CNOT10: variants seen among roughly 807,000 people sequenced by gnomAD.
CNOT10 encodes the protein CCR4-NOT transcription complex subunit 10, also known as CCR4-NOT transcription complex, subunit 10.
Under a neutral mutation model 94.6 loss-of-function variants are expected in CNOT10, and 30 were observed. That is an observed-to-expected ratio of 0.32 (90% confidence interval 0.24 to 0.43). CNOT10 has a LOEUF of 0.43. CNOT10 is among the 20% of genes least tolerant of loss of function. The pLI, the probability that CNOT10 is intolerant of heterozygous loss-of-function variation, is 1.00. For synonymous variants in CNOT10, 289 were observed against 301.6 expected (o/e 0.96, Z 0.43); for missense variants, 759 against 877.2 (o/e 0.87, Z 1.70).
At chr3:32,708,252 A>G (rs774594419) in intron 3 of CNOT10, among the ~76,000 whole-genome samples, 2 of 152,146 alleles carry the variant, frequency 1.3e-5, no homozygotes, top group African/African-American at 2.4e-5. Flanking sequence ...AAATCAAACT[A>G]TGAATACTAC....
chr3:32,734,814 C>T lies in CNOT10; in HGVS notation c.1352C>T (p.Ser451Leu), dbSNP rs778993380. The change falls in exon 12 of 19, where the codon TCG (serine) becomes TTG (leucine). Residue 451 changes from serine to leucine, a missense_variant. By Grantham distance (145) the Ser-to-Leu change is moderately radical. Transcript: ENST00000328834. ...GTTCTTTTAAGTGATGGGCAGTCTT[C>T]GGCCATTCCTGTAGCCAGTATGGAG... is the stretch of plus-strand genomic sequence containing the variant. ...QNTVYNDGQS[S>L]AIPVASMEFA... 1.2e-6 allele frequency: 2 copies of T among 1,608,422 alleles called. No individual in the cohort carries two copies. The highest frequency in any genetic ancestry group is 1.7e-5 in the Admixed American group (1 of 59,392).
At chr3:32,746,376 A>G (rs1699700361) in intron 13 of CNOT10, among the ~76,000 whole-genome samples, 1 of 152,216 alleles carries the variant, frequency 6.6e-6, no homozygotes, top group South Asian at 2.1e-4. Flanking sequence ...ATAATGAAAT[A>G]GTTATACAAC....
chr3:32,754,564 C>T (rs1311725705), intron 13 of CNOT10, among the ~76,000 whole-genome samples: 2 of 119,972 alleles, frequency 1.7e-5, no homozygotes, highest in Admixed American at 9.0e-5. Context: ...CTGTTTTCCA[C>T]GCTGGAGTGC....
In CNOT10 at chr3:32,763,130, T is replaced by C. The variant is rs374867413; in HGVS notation, c.1840+267T>C. Among the ~76,000 whole-genome samples, 18 of 152,278 alleles carry C rather than the reference T, an allele frequency of 1.2e-4. No homozygotes were observed. In the East Asian group the frequency reaches 2.7e-3, roughly 23 times the overall value. Reference sequence around the variant, plus strand: ...TTCTGATACTATTTATTTGTTTTCCTTTGGAGTGATTCTAAAATCCATAGG... The same window carrying C: ...TTCTGATACTATTTATTTGTTTTCCCTTGGAGTGATTCTAAAATCCATAGG... On this transcript the variant is annotated intron_variant, in intron 15 of 18. Coordinates refer to ENST00000328834, the MANE Select transcript of CNOT10 (RefSeq NM_015442.3).
intron 7 of CNOT10, among the ~76,000 whole-genome samples, chr3:32,718,583 CAA>C (rs368048572): frequency 1.1e-4 from 8 of 74,046 alleles, no homozygotes; most frequent in African/African-American, 2.8e-4. Flanking sequence ...GACTCATTCT[CAA>C]AAAAAAAAAA....
chr3:32,773,569 G>A lies in CNOT10; in HGVS notation c.2193G>A (p.Gln731=). The part of the protein sequence containing the change: ...KPVFQPVHPI[Q]PIQMPAFTTV... ...TGTTTCAGCCTGTCCACCCGATCCA[G>A]CCCATCCAAATGCCGGCTTTCACCA... The change falls in exon 19 of 19, where the codon CAG becomes CAA. Residue 731 remains glutamine (Q), a synonymous_variant. Transcript: ENST00000328834. The A allele has an allele frequency of 1.2e-6, 2 of 1,614,054 alleles. No individual in the cohort carries two copies. Among genetic ancestry groups the A allele is most frequent in the East Asian group, 2.2e-5 (1 of 44,868 alleles).
chr3:32,747,915 T>A (rs995142217), intron 13 of CNOT10, among the ~76,000 whole-genome samples: 3 of 151,790 alleles, frequency 2.0e-5, no homozygotes, highest in Non-Finnish European at 2.9e-5. Flanking sequence ...GCCACTGCAC[T>A]CCAGCCCAGC....
At chr3:32,704,405 AT>A (rs772419118) in intron 2 of CNOT10, among the ~76,000 whole-genome samples, 47 of 152,182 alleles carry the variant, frequency 3.1e-4, no homozygotes, top group Non-Finnish European at 5.4e-4. Flanking sequence ...AGAAAACCTT[AT>A]TTGGTTATCA....
rs1478483954 is a variant in CNOT10, at chr3:32,773,471, G to A, written c.2095G>A (p.Ala699Thr). The A allele has an allele frequency of 4.3e-6, 7 of 1,613,124 alleles. No homozygotes were observed. In the African/African-American group the frequency reaches 6.7e-5, roughly 15 times the overall value. ...LELQNGNTQL[A>T]LQIIKRNQLL... ...TGTTTTTATAGGTAATACTCAGCTG[G>A]CCTTACAGATCATCAAAAGGAATCA... Residue 699 changes from alanine (A) to threonine (T), a missense_variant, in exon 19 of 19, where the codon GCC (alanine) becomes ACC (threonine). By Grantham distance (58) the Ala-to-Thr change is moderately conservative. Coordinates refer to ENST00000328834, the MANE Select transcript of CNOT10 (RefSeq NM_015442.3).
chr3:32,762,910 C>T, intron 15 of CNOT10, 47 bp downstream of exon 15: 1 of 1,457,152 alleles, frequency 6.9e-7, no homozygotes, highest in Non-Finnish European at 9.0e-7. Flanking sequence ...TTTCCATTTC[C>T]CTCCTGTCAT....
At position 32,753,838 on chromosome 3, in the gene CNOT10, G is replaced by A. The variant is rs1700072908; in HGVS notation, c.1596-5620G>A. 2.6e-6 allele frequency: 4 copies of A among 1,540,556 alleles called. No homozygotes were observed. The East Asian group carries it at 6.7e-5, about 26-fold the overall frequency. On this transcript the variant is annotated intron_variant, in intron 13 of 18. Transcript: ENST00000328834. The stretch of plus-strand genomic sequence containing the variant: ...ATGGTACAGTTTTGAGTACCAGCTG[G>A]TCTGATGTAGGTAAAAGGAAAGTTG...
Position 32,766,414 on chromosome 3 carries a change from T to C in CNOT10, c.2004+1605T>C, listed in dbSNP as rs1222294731. 6.4e-5 allele frequency among the ~76,000 whole-genome samples: 3 copies of C among 46,852 alleles called. 1 individual carries two copies. The Middle Eastern group carries it at 0.026, about 404-fold the overall frequency. The allele number at this position is 46,852 out of a possible 152,430, so 30.7% of individuals were successfully genotyped here. A position where few individuals can be genotyped will look rare whatever the true frequency, so the allele number is the denominator to read the frequency against. On this transcript the variant is annotated intron_variant, in intron 17 of 18. Coordinates refer to ENST00000328834, the MANE Select transcript of CNOT10 (RefSeq NM_015442.3). ...TTGGGAGGCCGAGGTGGGCGGATCA[T>C]GAGGTCAGGAGATCAAGACCATCCT...
chr3:32,755,669 A>G (rs1320404086), intron 13 of CNOT10, among the ~76,000 whole-genome samples: 3 of 151,444 alleles, frequency 2.0e-5, no homozygotes, highest in Non-Finnish European at 2.9e-5. Flanking sequence ...CACAGGATCT[A>G]TGGCTTGACA....
intron 1 of CNOT10, among the ~76,000 whole-genome samples, chr3:32,689,980 A>G (rs572036171): frequency 2.0e-5 from 3 of 152,234 alleles, no homozygotes; most frequent in South Asian, 4.1e-4. Flanking sequence ...GCCAATACAC[A>G]TAATTTATAG....
chr3:32,746,115 A>G (rs759305722), intron 13 of CNOT10, among the ~76,000 whole-genome samples: 2 of 152,214 alleles, frequency 1.3e-5, no homozygotes, highest in Admixed American at 6.5e-5. Context: ...TTATATGACA[A>G]ACAAAACTTT....
chr3:32,720,296 C>T, intron 8 of CNOT10, 65 bp downstream of exon 8: 1 of 648,202 alleles, frequency 1.5e-6, no homozygotes, highest in Non-Finnish European at 2.8e-6. Flanking sequence ...CTTGCTTGTC[C>T]ACCTCCCAAC....
rs757761659 is a variant in CNOT10, at chr3:32,773,483, A to G, written c.2107A>G (p.Ile703Val). 4.3e-6 allele frequency: 7 copies of G among 1,613,524 alleles called. No homozygotes were observed. The highest frequency in any genetic ancestry group is 1.3e-5 in the African/African-American group (1 of 74,904). ...NGNTQLALQI[I>V]KRNQLLPAVK... ...TAATACTCAGCTGGCCTTACAGATC[A>G]TCAAAAGGAATCAGCTGCTCCCTGC... The change falls in exon 19 of 19, where the codon ATC becomes GTC. Residue 703 changes from isoleucine (I) to valine (V), a missense_variant. Coordinates refer to ENST00000328834, the MANE Select transcript of CNOT10 (RefSeq NM_015442.3).
intron 13 of CNOT10, among the ~76,000 whole-genome samples, chr3:32,749,644 C>T (rs551230140): frequency 6.6e-6 from 1 of 151,242 alleles, no homozygotes; most frequent in East Asian, 1.9e-4. Context: ...ACCCAACTTT[C>T]GGTGATCTGC....
chr3:32,754,456 G>C (rs1456809764), intron 13 of CNOT10, among the ~76,000 whole-genome samples: 1 of 95,144 alleles, frequency 1.1e-5, no homozygotes, highest in African/African-American at 4.5e-5. Flanking sequence ...CAGCCTGGGC[G>C]ACAGAGCAAG....
Sources: gnomAD v4.1 joint callset for allele counts (sites outside exome capture counted in the v4.1 genomes callset) on GRCh38, gnomAD v4.1.1 for gene constraint, MANE v1.5 for transcripts, NCBI Gene and HGNC (gene_info 2026-07-23, HGNC 2026-07-21) for gene names.